Variants in MARCHF1 observed in about 807,000 individuals in gnomAD.
The protein encoded by MARCHF1 is E3 ubiquitin-protein ligase MARCHF1.
A neutral mutation model predicts 54.2 loss-of-function variants in MARCHF1; 40 were observed. The ratio of observed to expected loss-of-function variants is 0.74; its 90% CI spans 0.57 to 0.96. MARCHF1 has a LOEUF of 0.96. MARCHF1 is among the 40% of genes least tolerant of loss of function. MARCHF1 has a pLI of 0.00. For synonymous variants in MARCHF1, 236 were observed against 236.3 expected (o/e 1.00, Z 0.01); for missense variants, 586 against 656.5 (o/e 0.89, Z 1.17).
At chr4:163,809,610 A>G (rs1382750911) in intron 4 of MARCHF1, among the ~76,000 whole-genome samples, 3 of 152,180 alleles carry the variant, frequency 2.0e-5, no homozygotes, top group African/African-American at 7.2e-5. Flanking sequence ...TGCATGAGGC[A>G]AATAGTATCT....
At chr4:164,082,073 A>G (rs1755113524) in intron 2 of MARCHF1, among the ~76,000 whole-genome samples, 1 of 152,160 alleles carries the variant, frequency 6.6e-6, no homozygotes, top group Non-Finnish European at 1.5e-5. Flanking sequence ...GTGTTTTCCA[A>G]ATTGCAAAAA....
At chr4:163,884,487 G>C (rs960078869) in intron 3 of MARCHF1, among the ~76,000 whole-genome samples, 1 of 152,012 alleles carries the variant, frequency 6.6e-6, no homozygotes, top group South Asian at 2.1e-4. Context: ...GAGAGGTCCT[G>C]GAAACAAAGG....
intron 1 of MARCHF1, among the ~76,000 whole-genome samples, chr4:164,220,592 T>TATATATGTAATACATATGCTATATATGC (rs1560959810): frequency 4.2e-5 from 5 of 119,124 alleles, no homozygotes; most frequent in Non-Finnish European, 6.9e-5. Context: ...ATGATATATG[T>TATATATGTAATACATATGCTATATATGC]ATATATGTAA....
chr4:163,718,457 G>GA (rs927879157), intron 4 of MARCHF1, among the ~76,000 whole-genome samples: 2 of 152,006 alleles, frequency 1.3e-5, no homozygotes, highest in Non-Finnish European at 2.9e-5. Context: ...AAATTTACAA[G>GA]AAAAAAACAT....
chr4:163,921,509 C>G (rs1482640760), intron 3 of MARCHF1, among the ~76,000 whole-genome samples: 1 of 152,104 alleles, frequency 6.6e-6, no homozygotes, highest in Non-Finnish European at 1.5e-5. Context: ...AACAATTTGA[C>G]TACTACTATG....
chr4:164,238,817 ACT>A (rs1343118582), intron 1 of MARCHF1, among the ~76,000 whole-genome samples: 1 of 151,864 alleles, frequency 6.6e-6, no homozygotes, highest in Non-Finnish European at 1.5e-5. Flanking sequence ...GAATATTAAA[ACT>A]CTCTTTTAAT....
chr4:163,717,153 C>T (rs201439957), intron 4 of MARCHF1, among the ~76,000 whole-genome samples: 116 of 119,036 alleles, frequency 9.7e-4, no homozygotes, highest in African/African-American at 3.3e-3. Context: ...CCCCTCCCCC[C>T]ACCCCATAAC....
chr4:163,712,369 C>T (rs1343182744), intron 4 of MARCHF1, among the ~76,000 whole-genome samples: 2 of 152,066 alleles, frequency 1.3e-5, no homozygotes, highest in Admixed American at 1.3e-4. Context: ...GTGTCAGTGC[C>T]AATCTAGACA....
intron 1 of MARCHF1, among the ~76,000 whole-genome samples, chr4:164,186,453 C>CT (rs1409445710): frequency 1.3e-5 from 2 of 152,178 alleles, no homozygotes; most frequent in Non-Finnish European, 2.9e-5. Context: ...CTACTACTTA[C>CT]TTTTATTCAA....
At chr4:164,177,009 T>TATATATATATATATATACAC (rs1553989397) in intron 1 of MARCHF1, among the ~76,000 whole-genome samples, 1 of 55,576 alleles carries the variant, frequency 1.8e-5, no homozygotes, top group African/African-American at 7.2e-5. Flanking sequence ...TATATATATA[T>TATATATATATATATATACAC]ACAAATGATA....
chr4:163,831,070 G>C (rs776706663), intron 4 of MARCHF1, among the ~76,000 whole-genome samples: 2 of 152,146 alleles, frequency 1.3e-5, no homozygotes, highest in Non-Finnish European at 2.9e-5. Flanking sequence ...ATAGTTCTGC[G>C]AGTCTTTACA....
At chr4:163,851,358 G>A (rs1749637050) in intron 4 of MARCHF1, among the ~76,000 whole-genome samples, 1 of 152,158 alleles carries the variant, frequency 6.6e-6, no homozygotes, top group African/African-American at 2.4e-5. Context: ...TTGTGCCTGT[G>A]ATTGACATGT....
chr4:163,559,083 G>A (rs1317299007), intron 8 of MARCHF1, among the ~76,000 whole-genome samples: 1 of 151,750 alleles, frequency 6.6e-6, no homozygotes, highest in Admixed American at 6.6e-5. Context: ...TTTCTTTCTA[G>A]CCCTATAGCC....
At chr4:163,616,315 C>A (rs996546755) in intron 5 of MARCHF1, among the ~76,000 whole-genome samples, 9 of 152,060 alleles carry the variant, frequency 5.9e-5, no homozygotes, top group African/African-American at 2.2e-4. Context: ...AGTGAAGAGA[C>A]AGTCTGTAGC....
rs1160283583 is a variant in MARCHF1, at chr4:163,575,690, AT to A, written c.1191+10058del. Among the ~76,000 whole-genome samples, 581 of 145,326 alleles carry A rather than the reference AT, an allele frequency of 4.0e-3. 3 individuals carry two copies. The highest frequency in any genetic ancestry group is 0.013 in the African/African-American group (502 of 39,994). Reference sequence around the variant, plus strand: ...ATCCATCTGGTTTGGGGCTTTTTAAATTTTTTTTTTTTATTACTGATTCAAT... The same window carrying A: ...ATCCATCTGGTTTGGGGCTTTTTAAATTTTTTTTTTTATTACTGATTCAAT... On this transcript the variant is annotated intron_variant, in intron 8 of 9. Coordinates refer to ENST00000514618, the MANE Select transcript of MARCHF1 (RefSeq NM_001394959.1).
At chr4:164,141,676 T>G (rs1756539389) in intron 1 of MARCHF1, among the ~76,000 whole-genome samples, 4 of 152,224 alleles carry the variant, frequency 2.6e-5, no homozygotes, top group Admixed American at 1.3e-4. Flanking sequence ...TACAAATTCT[T>G]CACATACCCT....
chr4:164,229,486 C>G (rs560133913), intron 1 of MARCHF1, among the ~76,000 whole-genome samples: 1 of 152,240 alleles, frequency 6.6e-6, no homozygotes, highest in African/African-American at 2.4e-5. Flanking sequence ...AAAAGGAACT[C>G]CCAGACAGAG....
intron 4 of MARCHF1, among the ~76,000 whole-genome samples, chr4:163,834,290 A>C (rs1749114639): frequency 6.6e-6 from 1 of 152,238 alleles, no homozygotes; most frequent in East Asian, 1.9e-4. Context: ...AAAAAAAAAA[A>C]ACATTACTAA....
intron 1 of MARCHF1, among the ~76,000 whole-genome samples, chr4:164,172,395 G>A (rs1278290764): frequency 6.6e-6 from 1 of 151,570 alleles, no homozygotes; most frequent in Non-Finnish European, 1.5e-5. Flanking sequence ...TACCTTCTTT[G>A]TTCTAAGCAC....
Sources: gnomAD v4.1 joint callset for allele counts (sites outside exome capture counted in the v4.1 genomes callset) on GRCh38, gnomAD v4.1.1 for gene constraint, MANE v1.5 for transcripts, NCBI Gene and HGNC (gene_info 2026-07-23, HGNC 2026-07-21) for gene names.